Variants in CSMD2 observed in about 807,000 individuals in gnomAD.
CSMD2 encodes the protein CUB and Sushi multiple domains 2.
In CSMD2, 130 loss-of-function variants were observed where a neutral mutation model predicts 398.5. The observed-to-expected ratio is 0.33, with a 90% confidence interval of 0.28 to 0.38. The LOEUF (loss-of-function observed/expected upper bound fraction) is 0.38, where lower values mean the gene tolerates loss of function less well. Among genes scored for constraint, CSMD2 ranks in the 10% least tolerant of loss-of-function variants. The pLI is 1.00. For synonymous variants in CSMD2, 1,828 were observed against 1,908.5 expected, an observed-to-expected ratio of 0.96 and a Z score of 1.10; for missense variants, 3,829 against 4,764.9, an observed-to-expected ratio of 0.80 and a Z score of 5.78.
At chr1:33,763,201 G>A (rs534709910) in intron 13 of CSMD2, among the ~76,000 whole-genome samples, 2 of 152,152 alleles carry the variant, frequency 1.3e-5, no homozygotes, top group African/African-American at 4.8e-5. Context: ...TTAGCCCAGA[G>A]GAATTCAAGA....
chr1:33,842,686 G>A (rs540713202), intron 6 of CSMD2, among the ~76,000 whole-genome samples: 1 of 152,310 alleles, frequency 6.6e-6, no homozygotes, highest in South Asian at 2.1e-4. Context: ...GAGCGTAGCT[G>A]TGTTTCAATA....
At chr1:33,746,881 G>A (rs1166590460) in intron 13 of CSMD2, among the ~76,000 whole-genome samples, 1 of 152,212 alleles carries the variant, frequency 6.6e-6, no homozygotes, top group Admixed American at 6.5e-5. Flanking sequence ...ACCAAAGTCT[G>A]TACAAATATT....
At chr1:34,114,287 G>A (rs548303107) in intron 1 of CSMD2, among the ~76,000 whole-genome samples, 1 of 141,244 alleles carries the variant, frequency 7.1e-6, no homozygotes, top group South Asian at 2.3e-4. Flanking sequence ...AAGACTGGGA[G>A]AACTCCTTTG....
At chr1:34,075,731 GA>G (rs1473641079) in intron 2 of CSMD2, among the ~76,000 whole-genome samples, 1 of 152,180 alleles carries the variant, frequency 6.6e-6, no homozygotes, top group Non-Finnish European at 1.5e-5. Flanking sequence ...TGTCCCATTA[GA>G]AAACTTCATT....
chr1:33,846,134 G>T (rs1661332784), intron 6 of CSMD2, among the ~76,000 whole-genome samples: 1 of 152,220 alleles, frequency 6.6e-6, no homozygotes, highest in Non-Finnish European at 1.5e-5. Context: ...CCATCTATCA[G>T]CTGGATTTTT....
intron 14 of CSMD2, among the ~76,000 whole-genome samples, chr1:33,742,402 G>A (rs1279697478): frequency 1.3e-5 from 2 of 152,154 alleles, no homozygotes; most frequent in Non-Finnish European, 2.9e-5. Context: ...CTGGGGACTC[G>A]CCCTTCACAA....
intron 25 of CSMD2, among the ~76,000 whole-genome samples, chr1:33,668,228 C>T (rs1030195971): frequency 2.0e-5 from 3 of 152,160 alleles, no homozygotes; most frequent in Non-Finnish European, 2.9e-5. Context: ...GGCGGGACTC[C>T]GTGGATGGGG....
intron 22 of CSMD2, among the ~76,000 whole-genome samples, chr1:33,707,686 C>CGT (rs1557764413): frequency 2.9e-4 from 21 of 71,994 alleles, no homozygotes; most frequent in Non-Finnish European, 4.0e-4. Flanking sequence ...CGTGCACACG[C>CGT]GCGCGCGCGC....
Position 33,652,346 on chromosome 1 carries a change from G to A in CSMD2, c.4563C>T (p.Tyr1521=), listed in dbSNP as rs142841043. 106 of 1,614,120 alleles carry A rather than the reference G, an allele frequency of 6.6e-5. No homozygotes were observed. Among genetic ancestry groups the A allele is most frequent in the African/African-American group, 4.0e-4 (30 of 75,018 alleles). Residue 1521 remains tyrosine, a synonymous_variant, in exon 28 of 71, where the codon TAC becomes TAT. Coordinates refer to ENST00000373381, the MANE Select transcript of CSMD2 (RefSeq NM_001281956.2). ...ACATGTTAAATACCAGGGCGATGAC[G>A]TAGTCTGGTGAGACGGTCACTTTCC... ...CDWKVTVSPD[Y]VIALVFNIFN...
In CSMD2 at chr1:33,828,474, T is replaced by A. The variant is rs1056506472; in HGVS notation, c.1034-2700A>T. On this transcript the variant is annotated intron_variant, in intron 6 of 70. Transcript: ENST00000373381. The stretch of plus-strand genomic sequence containing the variant: ...AGATGGCTCAGGGCACCTGGCCAAG[T>A]GGGAGGTGAAGAAAGAGTCTTCATC... 3.3e-5 allele frequency among the ~76,000 whole-genome samples: 5 copies of A among 152,282 alleles called. No homozygotes were observed. In the East Asian group the frequency reaches 7.7e-4, roughly 24 times the overall value.
At chr1:33,958,613 A>G (rs761949949) in intron 3 of CSMD2, among the ~76,000 whole-genome samples, 4 of 152,186 alleles carry the variant, frequency 2.6e-5, no homozygotes, top group Admixed American at 1.3e-4. Context: ...AGAGACTTGA[A>G]GCAGTAGAGA....
intron 3 of CSMD2, among the ~76,000 whole-genome samples, chr1:33,959,569 CCT>C (rs1303989960): frequency 6.6e-6 from 1 of 151,880 alleles, no homozygotes; most frequent in East Asian, 1.9e-4. Flanking sequence ...CCCGGAAAAT[CCT>C]CTGTCAAAGC....
chr1:33,725,154 C>T (rs952227824), intron 17 of CSMD2, among the ~76,000 whole-genome samples, 195 bp downstream of exon 17: 2 of 152,214 alleles, frequency 1.3e-5, no homozygotes, highest in African/African-American at 2.4e-5. Context: ...TTGTGAACAA[C>T]TCTAAGCTCC....
rs1387687859 is a variant in CSMD2 at position 33,541,273 on chromosome 1, C to A, written c.9314G>T (p.Gly3105Val). 7.4e-6 allele frequency: 12 copies of A among 1,613,970 alleles called. No individual in the cohort carries two copies. The highest frequency in any genetic ancestry group is 9.3e-6 in the Non-Finnish European group (11 of 1,180,000). Residue 3105 changes from glycine to valine, a missense_variant, in exon 59 of 71, where the codon GGC becomes GTC. Gly to Val is a moderately radical substitution (Grantham distance 109). Coordinates refer to ENST00000373381, the MANE Select transcript of CSMD2 (RefSeq NM_001281956.2). ...CCTGAAGTCATTGCCCAGCCGAAGG[C>A]CATTGGCTGGAATCCCAGGGTCACC... Reference protein sequence around the residue: ...NCGDPGIPANGLRLGNDFRYN... With the variant: ...NCGDPGIPANVLRLGNDFRYN...
intron 15 of CSMD2, among the ~76,000 whole-genome samples, chr1:33,729,453 C>CTTT (rs200820125): frequency 1.9e-5 from 2 of 103,822 alleles, no homozygotes; most frequent in African/African-American, 6.9e-5. Context: ...GGGGAGGATT[C>CTTT]TTTTTTTTTT....
At chr1:33,790,183 G>C (rs1654059475) in intron 11 of CSMD2, among the ~76,000 whole-genome samples, 1 of 152,192 alleles carries the variant, frequency 6.6e-6, no homozygotes, top group Non-Finnish European at 1.5e-5. Flanking sequence ...CAAGTGAGGG[G>C]GAGAGGTAAG....
At chr1:33,930,450 C>T (rs1349577787) in intron 4 of CSMD2, among the ~76,000 whole-genome samples, 1 of 152,232 alleles carries the variant, frequency 6.6e-6, no homozygotes, top group African/African-American at 2.4e-5. Context: ...CAGCTCAGCG[C>T]TTGCAGTCCA....
At chr1:34,144,994 C>G (rs116721337) in intron 1 of CSMD2, among the ~76,000 whole-genome samples, 3 of 152,184 alleles carry the variant, frequency 2.0e-5, no homozygotes, top group Admixed American at 6.5e-5. Flanking sequence ...TCGGTGAGAC[C>G]GAGCTGTGGC....
At position 33,533,614 on chromosome 1, in the gene CSMD2, C is replaced by T. The variant is rs1655468496; in HGVS notation, c.9991+182G>A. Among the ~76,000 whole-genome samples the T allele has an allele frequency of 6.6e-6, 1 of 152,202 alleles. No individual in the cohort carries two copies. The highest frequency in any genetic ancestry group is 1.5e-5 in the Non-Finnish European group (1 of 68,048). On this transcript the variant is annotated intron_variant, in intron 63 of 70. Coordinates refer to ENST00000373381, the MANE Select transcript of CSMD2 (RefSeq NM_001281956.2). The surrounding 1 kb of genome is among the most constrained non-coding windows in gnomAD (Gnocchi z 4.2). ...AGGCATAGGGATTGCCTTCCAATAT[C>T]AGAAAGGCTTTTGTGTGGAAGTCTT... is the stretch of plus-strand genomic sequence containing the variant.
Sources: allele counts gnomAD v4.1 joint callset (sites outside exome capture counted in the v4.1 genomes callset), GRCh38; gene constraint gnomAD v4.1.1; non-coding constraint Gnocchi (gnomAD v3.1); transcripts MANE v1.5; gene names NCBI Gene and HGNC (gene_info 2026-07-23, HGNC 2026-07-21).